PRMT8: variants seen among roughly 807,000 people sequenced by gnomAD.
PRMT8 encodes the protein protein arginine N-methyltransferase 8.
Under a neutral mutation model 47.1 loss-of-function variants are expected in PRMT8, and 7 were observed. That is an observed-to-expected ratio of 0.15 (90% CI 0.08 to 0.28). PRMT8 has a LOEUF of 0.28. PRMT8 is among the 10% of genes least tolerant of loss of function. PRMT8 has a pLI of 1.00. For synonymous variants in PRMT8, 188 were observed against 186.5 expected (o/e 1.01, Z -0.07); for missense variants, 237 against 505.4 (o/e 0.47, Z 5.09).
intron 1 of PRMT8, among the ~76,000 whole-genome samples, chr12:3,530,630 C>T (rs1445750864): frequency 1.3e-5 from 2 of 152,102 alleles, no homozygotes; most frequent in East Asian, 1.9e-4. Context: ...GCTCAGAGGA[C>T]GAAGGGCAGA....
chr12:3,415,982 C>T (rs1014190531), intron 1 of PRMT8, among the ~76,000 whole-genome samples: 1 of 152,172 alleles, frequency 6.6e-6, no homozygotes, highest in Admixed American at 6.5e-5. Context: ...TTGATCTAGC[C>T]GGACCTTCTC....
intron 2 of PRMT8, among the ~76,000 whole-genome samples, chr12:3,543,673 G>A (rs1866273137): frequency 1.3e-5 from 2 of 152,210 alleles, no homozygotes; most frequent in Non-Finnish European, 2.9e-5. Context: ...AGCAGGGGGT[G>A]ACTCTGGACA....
chr12:3,444,485 T>G (rs1035559231), intron 1 of PRMT8, among the ~76,000 whole-genome samples: 32 of 152,222 alleles, frequency 2.1e-4, no homozygotes, highest in Non-Finnish European at 2.4e-4. Context: ...TCACCCACTT[T>G]TAGTCTTTTT....
intron 1 of PRMT8, among the ~76,000 whole-genome samples, chr12:3,391,448 C>A (rs1016418707): frequency 2.0e-5 from 3 of 152,168 alleles, no homozygotes; most frequent in Admixed American, 1.3e-4. Flanking sequence ...AGCACAAATG[C>A]CCTGGGGCAA....
intron 1 of PRMT8, among the ~76,000 whole-genome samples, chr12:3,433,484 A>G (rs759970914): frequency 2.6e-5 from 4 of 151,112 alleles, no homozygotes; most frequent in Non-Finnish European, 5.9e-5. Flanking sequence ...GTCTCATTTT[A>G]TATATCAGGA....
intron 1 of PRMT8, among the ~76,000 whole-genome samples, chr12:3,452,299 C>T (rs1180722986): frequency 2.1e-5 from 3 of 144,216 alleles, no homozygotes; most frequent in Non-Finnish European, 3.0e-5. Context: ...TGCACATGTG[C>T]CCCTGAACCT....
intron 1 of PRMT8, among the ~76,000 whole-genome samples, chr12:3,510,731 C>T (rs1362687708): frequency 2.0e-5 from 3 of 152,152 alleles, no homozygotes; most frequent in Non-Finnish European, 4.4e-5. Context: ...CTGTACCCCA[C>T]CCCACTTTCT....
chr12:3,529,194 A>T (rs1865990098), intron 1 of PRMT8, among the ~76,000 whole-genome samples: 1 of 152,162 alleles, frequency 6.6e-6, no homozygotes, highest in African/African-American at 2.4e-5. Context: ...CCTTCAACTG[A>T]GAGAGATTAC....
intron 1 of PRMT8, among the ~76,000 whole-genome samples, chr12:3,401,046 C>G (rs1395236491): frequency 1.3e-5 from 2 of 148,608 alleles, no homozygotes; most frequent in Non-Finnish European, 3.0e-5. Flanking sequence ...ACTTGGGATG[C>G]TGAGGCAGGA....
chr12:3,583,251 G>A lies in PRMT8; in HGVS notation c.979+43G>A, dbSNP rs1382492088. ...TCCCAGAGCCTCCTCCCTCTCCCAT[G>A]CTTCCTCAAGTCTTTGTGGGGTGAC... On this transcript the variant is annotated intron_variant, in intron 8 of 9. Transcript: ENST00000382622. The surrounding 1 kb of genome is among the most constrained non-coding windows in gnomAD (Gnocchi z 4.7). 6.4e-7 allele frequency: 1 copy of A among 1,566,920 alleles called. No homozygotes were observed.
intron 1 of PRMT8, among the ~76,000 whole-genome samples, chr12:3,472,305 A>G (rs1395618918): frequency 2.0e-5 from 3 of 152,140 alleles, no homozygotes; most frequent in Non-Finnish European, 2.9e-5. Context: ...GCTAAACTTT[A>G]CATTTCTAAA....
At chr12:3,458,156 C>T (rs1053168934) in intron 1 of PRMT8, among the ~76,000 whole-genome samples, 3 of 152,172 alleles carry the variant, frequency 2.0e-5, no homozygotes, top group Non-Finnish European at 2.9e-5. Flanking sequence ...TTTTGTTCCC[C>T]GCTATTCAGC....
At chr12:3,549,799 GTCCTC>G in intron 2 of PRMT8, 132 bp from the exon 3 acceptor site, 1 of 943,410 alleles carries the variant, frequency 1.1e-6, no homozygotes, top group South Asian at 1.8e-5. Flanking sequence ...CCCCAGTTTT[GTCCTC>G]TGTGGCTCTG....
Position 3,593,141 on chromosome 12 carries a change from C to T in PRMT8, c.1144C>T (p.Leu382=). The change falls in exon 10 of 10, where the codon CTG becomes TTG. Residue 382 remains leucine (L), a synonymous_variant. Coordinates refer to ENST00000382622, the MANE Select transcript of PRMT8 (RefSeq NM_019854.5). The surrounding 1 kb of genome is among the most constrained non-coding windows in gnomAD (Gnocchi z 4.8). ...AGTAGACTTGGATTTTAAGGGACAG[C>T]TGTGTGAAACATCTGTATCTAATGA... is the stretch of plus-strand genomic sequence containing the variant. ...FTVDLDFKGQ[L]CETSVSNDYK... 1 of 1,614,138 alleles carries T rather than the reference C, an allele frequency of 6.2e-7. No homozygotes were observed. Among genetic ancestry groups the T allele is most frequent in the African/African-American group, 1.3e-5 (1 of 75,044 alleles).
intron 1 of PRMT8, among the ~76,000 whole-genome samples, chr12:3,454,871 C>T (rs757261757): frequency 1.3e-5 from 2 of 152,212 alleles, no homozygotes; most frequent in Non-Finnish European, 2.9e-5. Context: ...AATGTTAAGT[C>T]TTCCCTTTGA....
At chr12:3,386,193 C>T (rs1384981040) in intron 1 of PRMT8, among the ~76,000 whole-genome samples, 2 of 152,214 alleles carry the variant, frequency 1.3e-5, no homozygotes, top group Non-Finnish European at 2.9e-5. Context: ...TGTCTTTGGG[C>T]TGAGCAATCC....
At chr12:3,562,188 C>A (rs1318224354) in intron 4 of PRMT8, among the ~76,000 whole-genome samples, 1 of 152,020 alleles carries the variant, frequency 6.6e-6, no homozygotes, top group Non-Finnish European at 1.5e-5. Flanking sequence ...TGACTAATAA[C>A]CATATCAAAA....
chr12:3,509,325 C>G (rs1369835214), intron 1 of PRMT8, among the ~76,000 whole-genome samples: 2 of 152,234 alleles, frequency 1.3e-5, no homozygotes, highest in Admixed American at 6.5e-5. Context: ...TGCTCCTACT[C>G]TCTCTTCAGG....
chr12:3,577,408 C>T (rs1246081638), intron 7 of PRMT8, among the ~76,000 whole-genome samples: 1 of 152,212 alleles, frequency 6.6e-6, no homozygotes, highest in Admixed American at 6.5e-5. Context: ...CCTCCACACA[C>T]ACCTTTGCCC....
Sources: allele counts gnomAD v4.1 joint callset (sites outside exome capture counted in the v4.1 genomes callset), GRCh38; gene constraint gnomAD v4.1.1; non-coding constraint Gnocchi (gnomAD v3.1); transcripts MANE v1.5; gene names NCBI Gene and HGNC (gene_info 2026-07-23, HGNC 2026-07-21).